SFRP1: variants seen among roughly 807,000 people sequenced by gnomAD.
SFRP1 encodes the protein secreted frizzled-related protein 1.
SFRP1 carries 9 observed loss-of-function variants against 25.9 expected under a neutral mutation model. The observed-to-expected ratio is 0.35, with a 90% CI of 0.21 to 0.61. The LOEUF (loss-of-function observed/expected upper bound fraction) is 0.61, where lower values mean the gene tolerates loss of function less well. Among genes scored for constraint, SFRP1 ranks in the 20% least tolerant of loss-of-function variants. The pLI is 0.78. For synonymous variants in SFRP1, 178 were observed against 174.0 expected, an observed-to-expected ratio of 1.02 and a Z score of -0.18; for missense variants, 346 against 418.2, an observed-to-expected ratio of 0.83 and a Z score of 1.51.
At chr8:41,284,944 C>T (rs1017177469) in intron 2 of SFRP1, among the ~76,000 whole-genome samples, 12 of 152,352 alleles carry the variant, frequency 7.9e-5, no homozygotes, top group Admixed American at 5.2e-4. Flanking sequence ...GACACTCACT[C>T]TTCCCTACGC....
intron 1 of SFRP1, among the ~76,000 whole-genome samples, chr8:41,307,924 G>C (rs533809877): frequency 1.3e-5 from 2 of 152,244 alleles, no homozygotes; most frequent in South Asian, 4.2e-4. Context: ...AAAAGCAGGG[G>C]GTACGCTAGA....
chr8:41,270,825 A>C (rs950679488), intron 2 of SFRP1, among the ~76,000 whole-genome samples: 2 of 151,450 alleles, frequency 1.3e-5, no homozygotes, highest in Admixed American at 6.6e-5. Context: ...CCATCTCAAA[A>C]AAAAAAAAAG....
At chr8:41,271,203 G>C (rs1803501456) in intron 2 of SFRP1, 1 of 154,116 alleles carries the variant, frequency 6.5e-6, no homozygotes, top group Non-Finnish European at 1.5e-5. Context: ...ACAAATCACA[G>C]GCCCTGCATG....
intron 2 of SFRP1, among the ~76,000 whole-genome samples, chr8:41,266,788 T>G (rs894307603): frequency 6.6e-6 from 1 of 152,168 alleles, no homozygotes; most frequent in African/African-American, 2.4e-5. Flanking sequence ...TATTTTAACA[T>G]TGAAAGACCT....
At chr8:41,289,279 T>C (rs1803746703) in intron 2 of SFRP1, among the ~76,000 whole-genome samples, 2 of 152,192 alleles carry the variant, frequency 1.3e-5, no homozygotes, top group South Asian at 2.1e-4. Flanking sequence ...AGATCACCTA[T>C]GGTGACCCCT....
rs1211612347 is a variant in SFRP1, at chr8:41,309,133, G to A, written c.27C>T (p.Gly9=). Residue 9 remains glycine (G), a synonymous_variant, in exon 1 of 3, where the codon GGC becomes GGT. Transcript: ENST00000220772. ...GCACGCCCAGGGCTGCCCCGCGGCG[G>A]CCCCCCTCGCTGCGCCCGATGCCCA... MGIGRSEG[G]RRGAALGVLL... 3.5e-6 allele frequency: 5 copies of A among 1,438,666 alleles called. No homozygotes were observed. The highest frequency in any genetic ancestry group is 4.5e-6 in the Non-Finnish European group (5 of 1,111,040). 89.1% of individuals were successfully genotyped at this position (1,438,666 alleles called of 1,614,324 possible). A position where few individuals can be genotyped will look rare whatever the true frequency, so the allele number is the denominator to read the frequency against.
chr8:41,302,743 C>T (rs1585521971), intron 2 of SFRP1, among the ~76,000 whole-genome samples: 1 of 152,198 alleles, frequency 6.6e-6, no homozygotes, highest in Non-Finnish European at 1.5e-5. Context: ...CAGACTATAA[C>T]AGACCATCCC....
chr8:41,281,103 C>T (rs1803630010), intron 2 of SFRP1, among the ~76,000 whole-genome samples: 1 of 152,226 alleles, frequency 6.6e-6, no homozygotes, highest in South Asian at 2.1e-4. Context: ...GCTCCCTCTC[C>T]TCTATTTCCT....
At chr8:41,304,725 A>C (rs771457035) in intron 1 of SFRP1, among the ~76,000 whole-genome samples, 99 of 152,184 alleles carry the variant, frequency 6.5e-4, no homozygotes, top group Middle Eastern at 6.8e-3. Context: ...GGAAGAGAAG[A>C]GGGGACCTGC....
intron 2 of SFRP1, among the ~76,000 whole-genome samples, chr8:41,294,384 T>G (rs1803814927): frequency 1.3e-5 from 2 of 152,144 alleles, no homozygotes; most frequent in Admixed American, 6.5e-5. Flanking sequence ...AGAACACATC[T>G]GAGGTAGTCC....
At position 41,263,921 on chromosome 8, in the gene SFRP1, A is replaced by G. The variant is rs1803403360; in HGVS notation, c.*1246T>C. ...TCTGAATTTCTTTGATCCATAGGCA[A>G]TCAAGTTCAAAGGAAATGTTTCTTT... On this transcript the variant is annotated 3_prime_UTR_variant, in exon 3 of 3. Transcript: ENST00000220772. The G allele has an allele frequency of 6.6e-6, 1 of 152,232 alleles. No individual in the cohort carries two copies. The highest frequency in any genetic ancestry group is 2.4e-5 in the African/African-American group (1 of 41,446). The allele number at this position is 152,232 out of a possible 1,614,324, so 9.4% of individuals were successfully genotyped here. A position where few individuals can be genotyped will look rare whatever the true frequency, so the allele number is the denominator to read the frequency against.
chr8:41,280,874 C>G (rs1803627130), intron 2 of SFRP1, among the ~76,000 whole-genome samples: 1 of 152,170 alleles, frequency 6.6e-6, no homozygotes, highest in African/African-American at 2.4e-5. Context: ...GCCCCAACTC[C>G]CAGAAGCGTT....
chr8:41,271,512 T>C (rs922330893), intron 2 of SFRP1: 2 of 188,642 alleles, frequency 1.1e-5, no homozygotes, highest in South Asian at 1.1e-4. Context: ...GGCCTCAATA[T>C]GTGCTGCCAG....
chr8:41,289,966 C>G (rs11783933), intron 2 of SFRP1, among the ~76,000 whole-genome samples: 23,779 of 152,246 alleles, frequency 0.16, 2,264 homozygotes, highest in East Asian at 0.3. Flanking sequence ...CCCTGGGAAG[C>G]CCAGGCCAGC....
At chr8:41,295,355 C>T (rs1016974585) in intron 2 of SFRP1, among the ~76,000 whole-genome samples, 4 of 151,270 alleles carry the variant, frequency 2.6e-5, no homozygotes, top group Non-Finnish European at 5.9e-5. Flanking sequence ...AGGGAGACTC[C>T]GTCTCAAAAA....
chr8:41,262,855 T>C lies in SFRP1; in HGVS notation c.*2312A>G, dbSNP rs940350562. 6.6e-6 allele frequency: 1 copy of C among 152,236 alleles called. No individual in the cohort carries two copies. The highest frequency in any genetic ancestry group is 6.5e-5 in the Admixed American group (1 of 15,284). 9.4% of individuals were successfully genotyped at this position (152,236 alleles called of 1,614,324 possible). A position where few individuals can be genotyped will look rare whatever the true frequency, so the allele number is the denominator to read the frequency against. On this transcript the variant is annotated 3_prime_UTR_variant, in exon 3 of 3. Coordinates refer to ENST00000220772, the MANE Select transcript of SFRP1 (RefSeq NM_003012.5). ...TGATGTGACAGAGACAAAGCTGCTA[T>C]GGGTCTAAAACCTTCAATAAAGTAA...
Position 41,265,138 on chromosome 8 carries a change from G to GCCCCCCC in SFRP1, c.*28_*29insGGGGGGG. On this transcript the variant is annotated 3_prime_UTR_variant, in exon 3 of 3. Transcript: ENST00000220772. Reference sequence around the variant, plus strand: ...CCCCCCCGCTCCCACCCCACCCGAGGCTCCCTCCCCACCCTGCCCCCGGGA... The same window carrying GCCCCCCC: ...CCCCCCCGCTCCCACCCCACCCGAGGCCCCCCCCTCCCTCCCCACCCTGCCCCCGGGA... The GCCCCCCC allele has an allele frequency of 5.9e-6, 3 of 508,950 alleles. No homozygotes were observed. The highest frequency in any genetic ancestry group is 6.6e-6 in the Non-Finnish European group (2 of 302,258). The allele number at this position is 508,950 out of a possible 1,614,324, so 31.5% of individuals were successfully genotyped here.
chr8:41,307,298 C>T (rs1804010102), intron 1 of SFRP1, among the ~76,000 whole-genome samples: 1 of 152,220 alleles, frequency 6.6e-6, no homozygotes, highest in South Asian at 2.1e-4. Context: ...GCAATCAGTG[C>T]CGTTCCCATC....
chr8:41,308,151 G>T (rs145507782), intron 1 of SFRP1, among the ~76,000 whole-genome samples: 44 of 152,348 alleles, frequency 2.9e-4, no homozygotes, highest in African/African-American at 1.1e-3. Flanking sequence ...GCTGCTCCAA[G>T]CATTCTCTCG....
Sources: gnomAD v4.1 joint callset for allele counts (sites outside exome capture counted in the v4.1 genomes callset) on GRCh38, gnomAD v4.1.1 for gene constraint, MANE v1.5 for transcripts, NCBI Gene and HGNC (gene_info 2026-07-23, HGNC 2026-07-21) for gene names.